PTPRO: variants seen among roughly 807,000 people sequenced by gnomAD.
The protein encoded by PTPRO is protein tyrosine phosphatase receptor type O, also known as receptor-type tyrosine-protein phosphatase O.
PTPRO carries 62 observed loss-of-function variants against 145.2 expected under a neutral mutation model. The ratio of observed to expected loss-of-function variants is 0.43; its 90% CI spans 0.35 to 0.53. The LOEUF (loss-of-function observed/expected upper bound fraction) is 0.53. PTPRO is among the 20% of genes least tolerant of loss of function. The probability of loss-of-function intolerance (pLI) is 0.01; values close to 1 mark genes in which losing one functional copy is unlikely to be tolerated. For missense variants in PTPRO, 1,345 were observed against 1,482.7 expected (o/e 0.91, Z 1.53); for synonymous variants, 565 against 514.7 (o/e 1.10, Z -1.32).
chr12:15,473,768 C>CA (rs11340085), intron 1 of PTPRO, among the ~76,000 whole-genome samples: 662 of 65,330 alleles, frequency 0.01, 23 homozygotes, highest in East Asian at 0.077. Flanking sequence ...GACTCCATCT[C>CA]AAAAAAAAAA....
rs754022473 is a variant in PTPRO at position 15,516,935 on chromosome 12, T to A, written c.1758T>A (p.Thr586=). Residue 586 remains threonine, a synonymous_variant, in exon 9 of 27, where the codon ACT becomes ACA. Transcript: ENST00000281171. ...CCACCTACTATGAAATAGCAGCAACTGTTTCCTTAACTGCATCCGTGGTAA... is the reference window on the plus strand; with the variant it reads ...CCACCTACTATGAAATAGCAGCAACAGTTTCCTTAACTGCATCCGTGGTAA... The part of the protein sequence containing the change: ...EWTTYYEIAA[T]VSLTASVRIA... 3.3e-5 allele frequency: 53 copies of A among 1,613,734 alleles called. No homozygotes were observed. Among genetic ancestry groups the A allele is most frequent in the Admixed American group, 6.7e-5 (4 of 60,018 alleles).
chr12:15,418,775 A>C (rs966211560), intron 1 of PTPRO, among the ~76,000 whole-genome samples: 1 of 151,730 alleles, frequency 6.6e-6, no homozygotes, highest in Non-Finnish European at 1.5e-5. Context: ...AGAATTATGG[A>C]TGGACCAGAT....
chr12:15,484,102 C>A lies in PTPRO; in HGVS notation c.204C>A (p.Phe68Leu), dbSNP rs935033442. ...VKITGESKNY[F>L]FEFEEFNSTL... ...TAACTGGTGAATCCAAAAATTATTT[C>A]TTCGAATTTGAGGAATTCAACAGCA... The change falls in exon 2 of 27, where the codon TTC becomes TTA. Residue 68 changes from phenylalanine to leucine, a missense_variant. Physicochemically the swap from Phe to Leu is conservative, Grantham distance 22. Around this residue, in one of 3 missense-constraint regions of PTPRO, gnomAD observed 1,130 missense variants for 1,214.7 expected, o/e 0.93. Transcript: ENST00000281171. 5 of 1,613,762 alleles carry A rather than the reference C, an allele frequency of 3.1e-6. No homozygotes were observed. In the Admixed American group the frequency reaches 6.7e-5, roughly 22 times the overall value.
intron 6 of PTPRO, 23 bp from the exon 7 acceptor site, chr12:15,508,548 G>T: frequency 6.2e-7 from 1 of 1,611,088 alleles, no homozygotes; most frequent in Non-Finnish European, 8.5e-7. Context: ...AGCCTCCCCT[G>T]TGTTCCAATT....
At chr12:15,565,464 T>A (rs756944331) in intron 17 of PTPRO, 129 bp from the exon 18 acceptor site, 1 of 634,832 alleles carries the variant, frequency 1.6e-6, no homozygotes, top group African/African-American at 1.8e-5. Flanking sequence ...ACAAACCTGA[T>A]ATGTGTTTAA....
At chr12:15,364,493 C>T (rs1400789787) in intron 1 of PTPRO, among the ~76,000 whole-genome samples, 1 of 152,106 alleles carries the variant, frequency 6.6e-6, no homozygotes, top group Non-Finnish European at 1.5e-5. Context: ...TTTCTGTCTG[C>T]TTTATTGTAA....
chr12:15,574,811 T>C (rs1377678190), intron 19 of PTPRO, among the ~76,000 whole-genome samples: 1 of 152,214 alleles, frequency 6.6e-6, no homozygotes, highest in Non-Finnish European at 1.5e-5. Flanking sequence ...ATAGTTATGC[T>C]TGGGTTTCAA....
At chr12:15,341,101 G>A (rs925457126) in intron 1 of PTPRO, among the ~76,000 whole-genome samples, 1 of 152,118 alleles carries the variant, frequency 6.6e-6, no homozygotes, top group African/African-American at 2.4e-5. Context: ...ATACCTTAAG[G>A]TAAGGGTTTT....
At chr12:15,419,714 CGTCAAAGCTA>C in intron 1 of PTPRO, among the ~76,000 whole-genome samples, 1 of 150,436 alleles carries the variant, frequency 6.6e-6, no homozygotes, top group Admixed American at 6.6e-5. Context: ...CAGAAGAATA[CGTCAAAGCTA>C]GTTCTTTGGT....
At chr12:15,499,249 A>T (rs941413569) in intron 3 of PTPRO, among the ~76,000 whole-genome samples, 193 bp from the exon 4 acceptor site, 1 of 152,150 alleles carries the variant, frequency 6.6e-6, no homozygotes, top group Non-Finnish European at 1.5e-5. Flanking sequence ...TTGTCAGAAA[A>T]AGCCCTTCAG....
chr12:15,382,401 G>A lies in PTPRO; in HGVS notation c.75+59600G>A, dbSNP rs540980587. On this transcript the variant is annotated intron_variant, in intron 1 of 26. Coordinates refer to ENST00000281171, the MANE Select transcript of PTPRO (RefSeq NM_030667.3). ...TTCCCCACACTTCCAGGTGGCAAGT[G>A]CCTGGATTCTGAGATCCCTGGAATC... Among the ~76,000 whole-genome samples, 5 of 152,292 alleles carry A rather than the reference G, an allele frequency of 3.3e-5. No individual in the cohort carries two copies. The East Asian group carries it at 9.6e-4, about 29-fold the overall frequency.
Position 15,578,150 on chromosome 12 carries a change from C to G in PTPRO, c.2830-703C>G, listed in dbSNP as rs527885934. 1.1e-3 allele frequency among the ~76,000 whole-genome samples: 168 copies of G among 152,250 alleles called. 1 individual carries two copies. The highest frequency in any genetic ancestry group is 4.0e-3 in the African/African-American group (166 of 41,540). ...TGACTGTTAATCCCATACTTTGTAA[C>G]ATGGAGATTGTTCCCTACTCATTCC... is the stretch of plus-strand genomic sequence containing the variant. On this transcript the variant is annotated intron_variant, in intron 19 of 26. Coordinates refer to ENST00000281171, the MANE Select transcript of PTPRO (RefSeq NM_030667.3).
chr12:15,424,793 T>C (rs1226763244), intron 1 of PTPRO, among the ~76,000 whole-genome samples: 1 of 151,892 alleles, frequency 6.6e-6, no homozygotes, highest in Non-Finnish European at 1.5e-5. Flanking sequence ...TCAGCAAGTA[T>C]GTAGAGTGTT....
At chr12:15,366,221 A>G (rs535720663) in intron 1 of PTPRO, among the ~76,000 whole-genome samples, 1 of 152,328 alleles carries the variant, frequency 6.6e-6, no homozygotes, top group East Asian at 1.9e-4. Flanking sequence ...GTATCTAATT[A>G]GAGTGTAGAA....
At chr12:15,513,823 A>T (rs1942517608) in intron 7 of PTPRO, among the ~76,000 whole-genome samples, 1 of 152,206 alleles carries the variant, frequency 6.6e-6, no homozygotes, top group African/African-American at 2.4e-5. Context: ...AAACTCTATG[A>T]GGTATATAAT....
intron 12 of PTPRO, 194 bp from the exon 13 acceptor site, chr12:15,546,375 A>C (rs1943288534): frequency 1.4e-6 from 2 of 1,419,884 alleles, no homozygotes; most frequent in Non-Finnish European, 1.8e-6. Context: ...GAAGGGGGAA[A>C]AGGCAAAGTA....
intron 13 of PTPRO, among the ~76,000 whole-genome samples, chr12:15,547,366 G>A (rs73313511): frequency 0.024 from 3,597 of 152,236 alleles, 167 homozygotes; most frequent in African/African-American, 0.081. Flanking sequence ...GAGTGGCAAC[G>A]CCACAAGGAA....
chr12:15,553,606 C>T (rs941744770), intron 15 of PTPRO, among the ~76,000 whole-genome samples: 1 of 152,182 alleles, frequency 6.6e-6, no homozygotes, highest in African/African-American at 2.4e-5. Context: ...TGCAGGGCTT[C>T]GTATGCCTTT....
intron 1 of PTPRO, among the ~76,000 whole-genome samples, chr12:15,440,951 T>A (rs1940748658): frequency 6.6e-6 from 1 of 152,232 alleles, no homozygotes; most frequent in African/African-American, 2.4e-5. Context: ...AGTAGACAGG[T>A]CATGAAGGCA....
Sources: allele counts gnomAD v4.1 joint callset (sites outside exome capture counted in the v4.1 genomes callset), GRCh38; gene constraint gnomAD v4.1.1; regional missense constraint gnomAD v4.1.1; transcripts MANE v1.5; gene names NCBI Gene and HGNC (gene_info 2026-07-23, HGNC 2026-07-21).